CHIC2: variants seen among roughly 807,000 people sequenced by gnomAD.
CHIC2 encodes the protein cysteine-rich hydrophobic domain-containing protein 2.
CHIC2 carries 14 observed loss-of-function variants against 25.9 expected under a neutral mutation model. The ratio of observed to expected loss-of-function variants is 0.54; its 90% CI spans 0.36 to 0.85. The LOEUF (loss-of-function observed/expected upper bound fraction) is 0.85, where lower values mean the gene tolerates loss of function less well. CHIC2 is among the 40% of genes least tolerant of loss of function. CHIC2 has a pLI of 0.01. For missense variants in CHIC2, 146 were observed against 202.0 expected, an observed-to-expected ratio of 0.72 and a Z score of 1.68; for synonymous variants, 70 against 72.0, an observed-to-expected ratio of 0.97 and a Z score of 0.14.
chr4:54,082,493 C>G, the CHIC2 span, among the ~76,000 whole-genome samples: 64 of 152,140 alleles, frequency 4.2e-4, no homozygotes, highest in African/African-American at 1.5e-3. Context: ...GAAAAGAAGG[C>G]AGGGTGTCTG....
intron 3 of CHIC2, among the ~76,000 whole-genome samples, chr4:54,032,199 G>A (rs937229891): frequency 2.4e-4 from 37 of 152,266 alleles, no homozygotes; most frequent in African/African-American, 8.9e-4. Context: ...ATCTAAAAGA[G>A]TAAAGCATTT....
chr4:54,059,362 C>T (rs1338478431), intron 1 of CHIC2, among the ~76,000 whole-genome samples: 1 of 151,836 alleles, frequency 6.6e-6, no homozygotes, highest in Non-Finnish European at 1.5e-5. Flanking sequence ...CCCATCTCTA[C>T]AAAAACCAAA....
chr4:54,021,844 C>T (rs1031901018), intron 3 of CHIC2, among the ~76,000 whole-genome samples: 8 of 152,048 alleles, frequency 5.3e-5, no homozygotes, highest in African/African-American at 1.9e-4. Flanking sequence ...TTAAAAAAAG[C>T]TCCAGAAATT....
intron 5 of CHIC2, among the ~76,000 whole-genome samples, chr4:54,011,280 G>A (rs1715578320): frequency 6.6e-6 from 1 of 151,960 alleles, no homozygotes; most frequent in South Asian, 2.1e-4. Context: ...TCTATACCTG[G>A]CTCAAAAATA....
chr4:54,025,640 C>T (rs1288241656), intron 3 of CHIC2, among the ~76,000 whole-genome samples: 1 of 151,992 alleles, frequency 6.6e-6, no homozygotes, highest in Non-Finnish European at 1.5e-5. Flanking sequence ...GGGCGGATCA[C>T]TTGAGCCTAG....
Position 54,064,042 on chromosome 4 carries a change from G to T in CHIC2, c.119+140C>A. The stretch of plus-strand genomic sequence containing the variant: ...CGGAGACCCAAACAAATGAAAATAA[G>T]CCAAGTTCTCACTTCCTGGTTGCCT... On this transcript the variant is annotated intron_variant, in intron 1 of 5. Transcript: ENST00000263921. This position sits in a 1 kb window ranked among gnomAD's most constrained non-coding sequence, Gnocchi z 4.2. 1.5e-6 allele frequency: 1 copy of T among 686,788 alleles called. No individual in the cohort carries two copies. The highest frequency in any genetic ancestry group is 2.8e-5 in the Admixed American group (1 of 35,818). The allele number at this position is 686,788 out of a possible 1,614,324, so 42.5% of individuals were successfully genotyped here. A position where few individuals can be genotyped will look rare whatever the true frequency, so the allele number is the denominator to read the frequency against.
the CHIC2 span, among the ~76,000 whole-genome samples, chr4:54,091,670 C>T: frequency 9.2e-5 from 14 of 152,298 alleles, no homozygotes; most frequent in South Asian, 2.7e-3. Flanking sequence ...ACCACCTGTT[C>T]CTCAAAAAAC....
chr4:54,072,915 A>T, the CHIC2 span, among the ~76,000 whole-genome samples: 1 of 152,136 alleles, frequency 6.6e-6, no homozygotes, highest in African/African-American at 2.4e-5. Context: ...TACTAAAACT[A>T]CAAAAAATCA....
the CHIC2 span, among the ~76,000 whole-genome samples, chr4:54,069,956 T>C: frequency 6.6e-6 from 1 of 152,138 alleles, no homozygotes; most frequent in Admixed American, 6.6e-5. Flanking sequence ...CAGATAATTA[T>C]AAAAATAAAT....
chr4:54,078,737 A>C, the CHIC2 span, among the ~76,000 whole-genome samples: 2 of 150,422 alleles, frequency 1.3e-5, no homozygotes, highest in East Asian at 4.0e-4. Context: ...CTGGTCTCAA[A>C]CTCCTGACCT....
chr4:54,026,047 C>A (rs1426462551), intron 3 of CHIC2, among the ~76,000 whole-genome samples: 8 of 151,942 alleles, frequency 5.3e-5, no homozygotes, highest in Non-Finnish European at 1.2e-4. Context: ...GCACAACAAG[C>A]CTATATGGCG....
At chr4:54,087,362 T>A in the CHIC2 span, 1 of 571,524 alleles carries the variant, frequency 1.7e-6, no homozygotes, top group African/African-American at 1.9e-5. Flanking sequence ...GCAGCTGTTT[T>A]AACTCCCTGC....
At chr4:54,078,499 G>T in the CHIC2 span, among the ~76,000 whole-genome samples, 1 of 152,044 alleles carries the variant, frequency 6.6e-6, no homozygotes, top group African/African-American at 2.4e-5. Context: ...AACCTTAAAA[G>T]ATCTCTCATG....
rs571844695 is a variant in CHIC2, at chr4:54,026,457, T to C, written c.331-12338A>G. Among the ~76,000 whole-genome samples the C allele has an allele frequency of 5.3e-5, 8 of 152,128 alleles. No homozygotes were observed. In the South Asian group the frequency reaches 1.7e-3, roughly 32 times the overall value. ...ACTGCTTGAACCCGGGAGGTGGAGGTTGCAGTGAGCCAAGAGTGTGCCACT... is the reference window on the plus strand; with the variant it reads ...ACTGCTTGAACCCGGGAGGTGGAGGCTGCAGTGAGCCAAGAGTGTGCCACT... On this transcript the variant is annotated intron_variant, in intron 3 of 5. Coordinates refer to ENST00000263921, the MANE Select transcript of CHIC2 (RefSeq NM_012110.4).
rs569562115 is a variant in CHIC2, at chr4:54,030,757, T to A, written c.331-16638A>T. Among the ~76,000 whole-genome samples, 179 of 150,788 alleles carry A rather than the reference T, an allele frequency of 1.2e-3. 1 individual carries two copies. Among genetic ancestry groups the A allele is most frequent in the African/African-American group, 4.3e-3 (176 of 41,130 alleles). On this transcript the variant is annotated intron_variant, in intron 3 of 5. Transcript: ENST00000263921. ...ATCTCGGCTCACTGTAACCTCTGCC[T>A]ACCAGGTTCAAGTGATTCTCCTGCC...
chr4:54,067,948 C>G (rs1717551451), upstream of CHIC2, among the ~76,000 whole-genome samples: 1 of 149,816 alleles, frequency 6.7e-6, no homozygotes, highest in South Asian at 2.2e-4. Context: ...ATGTTGAAGC[C>G]CTAACCCTCA....
chr4:54,043,097 G>T (rs1716634486), intron 3 of CHIC2, among the ~76,000 whole-genome samples: 1 of 152,030 alleles, frequency 6.6e-6, no homozygotes, highest in South Asian at 2.1e-4. Flanking sequence ...GACTGCTTGA[G>T]TCCAGAAGTT....
the CHIC2 span, among the ~76,000 whole-genome samples, chr4:54,076,032 A>T: frequency 3.1e-3 from 470 of 150,402 alleles, 3 homozygotes; most frequent in African/African-American, 0.012. Flanking sequence ...CACACCTGTA[A>T]TCCTAGCACT....
At chr4:54,045,146 G>A (rs1260075876) in intron 3 of CHIC2, among the ~76,000 whole-genome samples, 1 of 152,150 alleles carries the variant, frequency 6.6e-6, no homozygotes, top group African/African-American at 2.4e-5. Context: ...CTGAAATTGA[G>A]GCAATAATTA....
Sources: allele counts gnomAD v4.1 joint callset (sites outside exome capture counted in the v4.1 genomes callset), GRCh38; gene constraint gnomAD v4.1.1; non-coding constraint Gnocchi (gnomAD v3.1); transcripts MANE v1.5; gene names NCBI Gene and HGNC (gene_info 2026-07-23, HGNC 2026-07-21).